CCDC85A: variants seen among roughly 807,000 people sequenced by gnomAD.
The protein encoded by CCDC85A is coiled-coil domain containing 85A.
CCDC85A carries 38 observed loss-of-function variants against 50.2 expected under a neutral mutation model. The ratio of observed to expected loss-of-function variants is 0.76; its 90% CI spans 0.58 to 0.99. The LOEUF is 0.99. Ranked by LOEUF, CCDC85A falls within the 50% of genes least tolerant of loss-of-function variation. The pLI, the probability that CCDC85A is intolerant of heterozygous loss-of-function variation, is 0.00. For synonymous variants in CCDC85A, 366 were observed against 301.4 expected (o/e 1.21, Z -2.22); for missense variants, 820 against 742.0 (o/e 1.11, Z -1.22).
At chr2:56,381,558 G>A (rs1676587076) in intron 5 of CCDC85A, among the ~76,000 whole-genome samples, 1 of 152,066 alleles carries the variant, frequency 6.6e-6, no homozygotes, top group Admixed American at 6.6e-5. Context: ...AAGAAATTAA[G>A]ACCCAGAAAT....
At chr2:56,348,122 AAGC>A (rs1674720756) in intron 3 of CCDC85A, among the ~76,000 whole-genome samples, 1 of 152,212 alleles carries the variant, frequency 6.6e-6, no homozygotes, top group Admixed American at 6.5e-5. Flanking sequence ...AGACATGAAC[AAGC>A]AGTTTGCTGT....
At chr2:56,202,680 A>C (rs1176110076) in intron 2 of CCDC85A, among the ~76,000 whole-genome samples, 5 of 152,264 alleles carry the variant, frequency 3.3e-5, no homozygotes, top group African/African-American at 1.2e-4. Context: ...CTATAGGCAG[A>C]AGTAAAGTAC....
intron 2 of CCDC85A, among the ~76,000 whole-genome samples, chr2:56,203,643 G>A (rs1676835837): frequency 6.6e-6 from 1 of 152,076 alleles, no homozygotes; most frequent in African/African-American, 2.4e-5. Context: ...CTATTCGCAA[G>A]GCATATGTAG....
chr2:56,217,668 G>C (rs1259917281), intron 2 of CCDC85A, among the ~76,000 whole-genome samples: 1 of 151,780 alleles, frequency 6.6e-6, no homozygotes, highest in Non-Finnish European at 1.5e-5. Flanking sequence ...TAAATATCTG[G>C]AATGGAAGGG....
chr2:56,253,782 G>A (rs1468914), intron 2 of CCDC85A, among the ~76,000 whole-genome samples: 48,594 of 151,924 alleles, frequency 0.32, 7,796 homozygotes, highest in South Asian at 0.4. Context: ...AGAAGTGTCA[G>A]GGATGATTTC....
chr2:56,202,634 C>T (rs539266268), intron 2 of CCDC85A, among the ~76,000 whole-genome samples: 1 of 152,178 alleles, frequency 6.6e-6, no homozygotes, highest in African/African-American at 2.4e-5. Context: ...TAACTGCAAA[C>T]AAAACTAATT....
intron 3 of CCDC85A, among the ~76,000 whole-genome samples, chr2:56,371,223 T>A (rs1676055628): frequency 6.6e-6 from 1 of 152,112 alleles, no homozygotes; most frequent in South Asian, 2.1e-4. Flanking sequence ...CTGGTGCCAA[T>A]TTAATAGGTT....
At position 56,360,193 on chromosome 2, in the gene CCDC85A, C is replaced by G. The variant is rs1675452426; in HGVS notation, c.1318-12151C>G. Among the ~76,000 whole-genome samples, 3 of 152,184 alleles carry G rather than the reference C, an allele frequency of 2.0e-5. No homozygotes were observed. In the South Asian group the frequency reaches 6.2e-4, roughly 32 times the overall value. ...AGATTAACCAAATGCATTCACAATGCTTGGTCAGTGACTAATGTCAACCTA... is the reference window on the plus strand; with the variant it reads ...AGATTAACCAAATGCATTCACAATGGTTGGTCAGTGACTAATGTCAACCTA... On this transcript the variant is annotated intron_variant, in intron 3 of 5. Transcript: ENST00000407595.
chr2:56,231,181 A>C (rs932013521), intron 2 of CCDC85A, among the ~76,000 whole-genome samples: 1 of 152,230 alleles, frequency 6.6e-6, no homozygotes, highest in South Asian at 2.1e-4. Flanking sequence ...ACATTCTCTC[A>C]TGGAAGAATT....
intron 1 of CCDC85A, among the ~76,000 whole-genome samples, chr2:56,189,875 G>T (rs1676224386): frequency 6.6e-6 from 1 of 152,188 alleles, no homozygotes; most frequent in Non-Finnish European, 1.5e-5. Context: ...GCAAACAAAG[G>T]CAGGGAGGCT....
At chr2:56,333,995 T>C (rs1192283798) in intron 2 of CCDC85A, among the ~76,000 whole-genome samples, 2 of 152,178 alleles carry the variant, frequency 1.3e-5, no homozygotes, top group Admixed American at 6.5e-5. Context: ...ACCACCTTTC[T>C]TTCTGCCTAA....
intron 5 of CCDC85A, among the ~76,000 whole-genome samples, chr2:56,380,471 A>G (rs1676529541): frequency 6.6e-6 from 1 of 151,820 alleles, no homozygotes; most frequent in East Asian, 1.9e-4. Context: ...GAAGAGGGAA[A>G]ATTGCTTTAG....
chr2:56,188,027 G>A (rs1476307781), intron 1 of CCDC85A, among the ~76,000 whole-genome samples: 2 of 152,220 alleles, frequency 1.3e-5, no homozygotes, highest in Non-Finnish European at 2.9e-5. Flanking sequence ...TTTAACTGTA[G>A]ATACAGTACT....
intron 2 of CCDC85A, among the ~76,000 whole-genome samples, chr2:56,341,931 A>T (rs969750855): frequency 2.0e-5 from 3 of 151,486 alleles, no homozygotes; most frequent in South Asian, 2.1e-4. Flanking sequence ...AAGTCTTGAA[A>T]TTTTTATTGG....
At chr2:56,288,417 T>C (rs1284235747) in intron 2 of CCDC85A, among the ~76,000 whole-genome samples, 1 of 152,190 alleles carries the variant, frequency 6.6e-6, no homozygotes, top group East Asian at 1.9e-4. Context: ...AAGATCTTCT[T>C]ATAAATACAA....
chr2:56,292,928 A>G (rs967204439), intron 2 of CCDC85A, among the ~76,000 whole-genome samples: 1 of 152,194 alleles, frequency 6.6e-6, no homozygotes, highest in African/African-American at 2.4e-5. Flanking sequence ...AATCTTCTAA[A>G]CCCAATTGAT....
chr2:56,274,585 C>T (rs1192742211), intron 2 of CCDC85A, among the ~76,000 whole-genome samples: 1 of 152,198 alleles, frequency 6.6e-6, no homozygotes, highest in Non-Finnish European at 1.5e-5. Context: ...CAATCTGCTT[C>T]ACTTAAAATC....
intron 2 of CCDC85A, among the ~76,000 whole-genome samples, chr2:56,208,430 T>C (rs918149466): frequency 1.3e-5 from 2 of 152,148 alleles, no homozygotes; most frequent in African/African-American, 4.8e-5. Flanking sequence ...ACTGAAGATA[T>C]AGTTCCACTG....
chr2:56,326,775 A>G (rs1673493668), intron 2 of CCDC85A, among the ~76,000 whole-genome samples: 1 of 152,156 alleles, frequency 6.6e-6, no homozygotes, highest in Admixed American at 6.6e-5. Flanking sequence ...TTCTGCAAGC[A>G]TTCAATAATT....
Sources: allele counts gnomAD v4.1 joint callset (sites outside exome capture counted in the v4.1 genomes callset), GRCh38; gene constraint gnomAD v4.1.1; transcripts MANE v1.5; gene names NCBI Gene and HGNC (gene_info 2026-07-23, HGNC 2026-07-21).